Variants in ABLIM1 observed in about 807,000 individuals in gnomAD.
ABLIM1 encodes the protein actin-binding LIM protein 1.
Under a neutral mutation model 107.0 loss-of-function variants are expected in ABLIM1, and 40 were observed. The observed-to-expected ratio is 0.37, with a 90% CI of 0.29 to 0.49. The LOEUF is 0.49. Ranked by LOEUF, ABLIM1 falls within the 20% of genes least tolerant of loss-of-function variation. ABLIM1 has a pLI of 0.97. For synonymous variants in ABLIM1, 357 were observed against 357.3 expected, an observed-to-expected ratio of 1.00 and a Z score of 0.01; for missense variants, 857 against 1,008.5, an observed-to-expected ratio of 0.85 and a Z score of 2.04.
chr10:114,575,304 T>C (rs1174233260), intron 3 of ABLIM1, 112 bp downstream of exon 3: 29 of 1,191,016 alleles, frequency 2.4e-5, no homozygotes, highest in Non-Finnish European at 3.4e-5. Context: ...AATCTAAGGA[T>C]AAGAGTATGT....
intron 6 of ABLIM1, among the ~76,000 whole-genome samples, chr10:114,524,898 G>C (rs1022459239): frequency 3.9e-5 from 6 of 152,168 alleles, no homozygotes; most frequent in African/African-American, 9.7e-5. Flanking sequence ...AAACCAAATG[G>C]TCAGGCAAAA....
chr10:114,567,487 A>T (rs549867530), intron 4 of ABLIM1, among the ~76,000 whole-genome samples: 1 of 152,334 alleles, frequency 6.6e-6, no homozygotes, highest in South Asian at 2.1e-4. Context: ...GTGCTTGATG[A>T]GGGAAATAAA....
At chr10:114,608,490 A>G (rs2076577484) in intron 1 of ABLIM1, among the ~76,000 whole-genome samples, 1 of 150,616 alleles carries the variant, frequency 6.6e-6, no homozygotes, top group African/African-American at 2.5e-5. Flanking sequence ...ACCAACATAG[A>G]GAAACCCTGT....
At chr10:114,626,277 C>T (rs948232137) in intron 1 of ABLIM1, among the ~76,000 whole-genome samples, 1 of 152,186 alleles carries the variant, frequency 6.6e-6, no homozygotes, top group Non-Finnish European at 1.5e-5. Flanking sequence ...ATAAAGGGTG[C>T]TGGACCCAGC....
intron 12 of ABLIM1, among the ~76,000 whole-genome samples, chr10:114,454,908 T>G (rs1343601791): frequency 6.6e-6 from 1 of 152,190 alleles, no homozygotes; most frequent in Non-Finnish European, 1.5e-5. Context: ...AGTCTGTAGG[T>G]TGTCTTTTCA....
rs140256636 is a variant in ABLIM1 at position 114,490,974 on chromosome 10, ATGTGTG to A, written c.982+811_982+816del. 9.0e-3 allele frequency among the ~76,000 whole-genome samples: 895 copies of A among 99,268 alleles called. 12 individuals are homozygous for A. Among genetic ancestry groups the A allele is most frequent in the Admixed American group, 0.012 (96 of 7,778 alleles). The allele number at this position is 99,268 out of a possible 152,430, so 65.1% of individuals were successfully genotyped here. A position where few individuals can be genotyped will look rare whatever the true frequency, so the allele number is the denominator to read the frequency against. ...GTGAGCCACCACGCCCGGCATATAT[ATGTGTG>A]TGTGTGTGTGTGTGTGTGTGTGTGT... On this transcript the variant is annotated intron_variant, in intron 7 of 22. Coordinates refer to ENST00000533213, the MANE Select transcript of ABLIM1 (RefSeq NM_002313.7).
intron 1 of ABLIM1, among the ~76,000 whole-genome samples, chr10:114,676,279 G>C (rs2420061): frequency 0.72 from 108,759 of 152,056 alleles, 39,073 homozygotes; most frequent in African/African-American, 0.78. Flanking sequence ...TAGATTGAGA[G>C]CAGCCTGGCC....
chr10:114,457,717 C>CA (rs1270699450), intron 12 of ABLIM1, among the ~76,000 whole-genome samples: 6 of 152,216 alleles, frequency 3.9e-5, no homozygotes, highest in Non-Finnish European at 7.3e-5. Flanking sequence ...TGGAAGATAT[C>CA]ATTATTTTCA....
rs60960000 is a variant in ABLIM1, at chr10:114,497,206, GC to G, written c.895-5329del. ...TATAAACTTTTAAAGCCCAGCAGGA[GC>G]TTTGTTGTGGCAGACAACGGCATGA... is the stretch of plus-strand genomic sequence containing the variant. On this transcript the variant is annotated intron_variant, in intron 6 of 22. Transcript: ENST00000533213. Among the ~76,000 whole-genome samples the G allele has an allele frequency of 5.9e-3, 905 of 152,326 alleles. 9 individuals are homozygous for G. The highest frequency in any genetic ancestry group is 0.021 in the African/African-American group (878 of 41,572).
intron 17 of ABLIM1, among the ~76,000 whole-genome samples, chr10:114,442,635 T>TA (rs2060355949): frequency 6.6e-6 from 1 of 152,038 alleles, no homozygotes; most frequent in Non-Finnish European, 1.5e-5. Context: ...TCCGGGGTTA[T>TA]AATATGTGGA....
intron 1 of ABLIM1, among the ~76,000 whole-genome samples, chr10:114,615,061 AAAGAAAGAAAG>A (rs1390358988): frequency 4.0e-5 from 6 of 151,212 alleles, no homozygotes; most frequent in Admixed American, 1.3e-4. Context: ...AAAAAAAAAA[AAAGAAAGAAAG>A]AAAGAAAGAA....
chr10:114,639,845 G>A (rs12573191), intron 1 of ABLIM1, among the ~76,000 whole-genome samples: 12,637 of 152,198 alleles, frequency 0.083, 1,003 homozygotes, highest in East Asian at 0.44. Context: ...CCTGCTGCCC[G>A]TGCACACAGA....
chr10:114,622,833 G>A (rs1195197741), intron 1 of ABLIM1, among the ~76,000 whole-genome samples: 1 of 152,048 alleles, frequency 6.6e-6, no homozygotes, highest in African/African-American at 2.4e-5. Flanking sequence ...TCCACCAAAT[G>A]AACAGTAAAT....
intron 8 of ABLIM1, among the ~76,000 whole-genome samples, chr10:114,481,334 T>C (rs1452625228): frequency 6.6e-6 from 1 of 151,512 alleles, no homozygotes; most frequent in Non-Finnish European, 1.5e-5. Flanking sequence ...TCATCTAATT[T>C]GCATTTATCC....
intron 1 of ABLIM1, among the ~76,000 whole-genome samples, chr10:114,718,032 A>G (rs144500551): frequency 0.025 from 2,326 of 91,796 alleles, 34 homozygotes; most frequent in African/African-American, 0.059. Flanking sequence ...GGAAGGAAGG[A>G]GAAAGAGAAA....
intron 8 of ABLIM1, among the ~76,000 whole-genome samples, chr10:114,482,733 A>G (rs1482006671): frequency 6.6e-6 from 1 of 152,218 alleles, no homozygotes; most frequent in Non-Finnish European, 1.5e-5. Context: ...TTGAACAACA[A>G]GATAGGAGGA....
chr10:114,517,333 G>A lies in ABLIM1; in HGVS notation c.895-25455C>T, dbSNP rs574492102. Among the ~76,000 whole-genome samples the A allele has an allele frequency of 2.8e-4, 43 of 152,276 alleles. 1 individual carries two copies. Among genetic ancestry groups the A allele is most frequent in the African/African-American group, 1.0e-3 (42 of 41,560 alleles). On this transcript the variant is annotated intron_variant, in intron 6 of 22. Coordinates refer to ENST00000533213, the MANE Select transcript of ABLIM1 (RefSeq NM_002313.7). ...CCAAGAGGGCAAGCTGGACCCACAT[G>A]AAGATGAAGGCAGAGACTGGAGCGA...
the ABLIM1 span, among the ~76,000 whole-genome samples, chr10:114,787,027 C>T: frequency 1.1e-3 from 165 of 148,946 alleles, no homozygotes; most frequent in African/African-American, 4.0e-3. Context: ...TCTGCCCAGC[C>T]GCCATCCCAT....
At chr10:114,701,992 T>C (rs1390133296) in intron 1 of ABLIM1, among the ~76,000 whole-genome samples, 1 of 152,208 alleles carries the variant, frequency 6.6e-6, no homozygotes, top group Admixed American at 6.5e-5. Flanking sequence ...TTGAGGTTCA[T>C]TATACTATTT....
Sources: gnomAD v4.1 joint callset for allele counts (sites outside exome capture counted in the v4.1 genomes callset) on GRCh38, gnomAD v4.1.1 for gene constraint, MANE v1.5 for transcripts, NCBI Gene and HGNC (gene_info 2026-07-23, HGNC 2026-07-21) for gene names.